PDZD2: variants seen among roughly 807,000 people sequenced by gnomAD.
The protein encoded by PDZD2 is PDZ domain-containing protein 2.
PDZD2 carries 90 observed loss-of-function variants against 220.7 expected under a neutral mutation model. That is an observed-to-expected ratio of 0.41 (90% CI 0.34 to 0.49). PDZD2 has a LOEUF of 0.49. Ranked by LOEUF, PDZD2 falls within the 20% of genes least tolerant of loss-of-function variation. The probability of loss-of-function intolerance (pLI) is 0.28; values close to 1 mark genes in which losing one functional copy is unlikely to be tolerated. For missense variants in PDZD2, 3,174 were observed against 3,608.5 expected (o/e 0.88, Z 3.08); for synonymous variants, 1,375 against 1,450.5 (o/e 0.95, Z 1.18).
chr5:31,878,291 G>C (rs1739501099), intron 2 of PDZD2, among the ~76,000 whole-genome samples: 1 of 152,026 alleles, frequency 6.6e-6, no homozygotes, highest in South Asian at 2.1e-4. Context: ...CCTTCCCCAG[G>C]GGCTTTTTTC....
chr5:31,845,968 C>T (rs988617506), intron 2 of PDZD2, among the ~76,000 whole-genome samples: 4 of 152,186 alleles, frequency 2.6e-5, no homozygotes, highest in African/African-American at 9.7e-5. Context: ...GTTCCAGAGG[C>T]ACCACAATCC....
chr5:31,725,947 G>A lies in PDZD2; in HGVS notation c.-360-72942G>A, dbSNP rs187731569. On this transcript the variant is annotated intron_variant, in intron 1 of 24. Coordinates refer to ENST00000438447, the MANE Select transcript of PDZD2 (RefSeq NM_178140.4). ...GCTGCCTGGGTCTCCACTCTCTGCC[G>A]CATGCGTAACAGATGATGAAATAGG... is the stretch of plus-strand genomic sequence containing the variant. The A allele has an allele frequency of 3.3e-3, 2,095 of 638,200 alleles. 83 individuals are homozygous for A. The Admixed American group carries it at 0.047, about 14-fold the overall frequency. 39.5% of individuals were successfully genotyped at this position (638,200 alleles called of 1,614,324 possible).
At chr5:31,831,594 A>G (rs1437006675) in intron 2 of PDZD2, among the ~76,000 whole-genome samples, 2 of 152,148 alleles carry the variant, frequency 1.3e-5, no homozygotes, top group Non-Finnish European at 2.9e-5. Flanking sequence ...TAAAAAATAC[A>G]AAAATTAGCT....
intron 1 of PDZD2, among the ~76,000 whole-genome samples, chr5:31,672,773 A>G (rs1746262572): frequency 6.6e-6 from 1 of 152,202 alleles, no homozygotes; most frequent in South Asian, 2.1e-4. Flanking sequence ...GTCTCTGTGC[A>G]GTAGGGTGAG....
At chr5:31,680,934 G>A (rs17413207) in intron 1 of PDZD2, among the ~76,000 whole-genome samples, 43,314 of 151,846 alleles carry the variant, frequency 0.29, 6,779 homozygotes, top group East Asian at 0.59. Flanking sequence ...CTTGCCCCTC[G>A]GACAATTGCT....
rs374382620 is a variant in PDZD2, at chr5:32,026,972, G to A, written c.1408-10259G>A. Among the ~76,000 whole-genome samples the A allele has an allele frequency of 1.0e-3, 153 of 152,190 alleles. 3 individuals are homozygous for A. In the South Asian group the frequency reaches 0.024, roughly 24 times the overall value. Reference sequence around the variant, plus strand: ...GGCTGGAGTGCAGTGGCACGATCTCGGCTCACTGCAGTCTCTGCCTCCCGG... The same window carrying A: ...GGCTGGAGTGCAGTGGCACGATCTCAGCTCACTGCAGTCTCTGCCTCCCGG... On this transcript the variant is annotated intron_variant, in intron 6 of 24. Transcript: ENST00000438447.
Position 32,088,522 on chromosome 5 carries a change from T to C in PDZD2, c.5074T>C (p.Cys1692Arg). ...ISTSQNHRPS[C>R]AEETTEVTSA... ...CACTTCACAGAACCACAGGCCCTCG[T>C]GTGCAGAAGAAACCACAGAAGTCAC... The change falls in exon 20 of 25, where the codon TGT becomes CGT. Residue 1692 changes from cysteine (C) to arginine (R), a missense_variant. This residue lies in a region of PDZD2 where 1,861 missense variants were observed against 2,001.0 expected (regional missense o/e 0.93). Transcript: ENST00000438447. This position sits in a 1 kb window ranked among gnomAD's most constrained non-coding sequence, Gnocchi z 4.6. 6.2e-7 allele frequency: 1 copy of C among 1,614,100 alleles called. No homozygotes were observed.
chr5:31,857,860 G>A (rs147859917), intron 2 of PDZD2, among the ~76,000 whole-genome samples: 17 of 151,992 alleles, frequency 1.1e-4, no homozygotes, highest in African/African-American at 3.6e-4. Flanking sequence ...ATGGAGTCTC[G>A]TTGTCACCCA....
intron 2 of PDZD2, chr5:31,855,142 C>A: frequency 1.0e-6 from 1 of 982,768 alleles, no homozygotes; most frequent in Non-Finnish European, 1.2e-6. Flanking sequence ...GGAGAGGAAC[C>A]CTCCGAAGGT....
intron 2 of PDZD2, among the ~76,000 whole-genome samples, chr5:31,870,833 G>A (rs1038842986): frequency 2.0e-5 from 3 of 150,114 alleles, no homozygotes; most frequent in Admixed American, 1.3e-4. Context: ...AGGTTGCAGT[G>A]AGTGGAAATC....
At chr5:31,806,343 G>A (rs1360159226) in intron 2 of PDZD2, among the ~76,000 whole-genome samples, 3 of 152,150 alleles carry the variant, frequency 2.0e-5, no homozygotes, top group Non-Finnish European at 4.4e-5. Context: ...CAAGGCCATG[G>A]GTTTGACAGA....
chr5:31,998,025 T>C (rs1230997738), intron 4 of PDZD2, among the ~76,000 whole-genome samples: 4 of 152,172 alleles, frequency 2.6e-5, no homozygotes, highest in African/African-American at 9.7e-5. Flanking sequence ...GTATTTTTAG[T>C]AGAGACGGGG....
At chr5:31,921,656 C>T (rs1281164319) in intron 2 of PDZD2, among the ~76,000 whole-genome samples, 2 of 152,128 alleles carry the variant, frequency 1.3e-5, no homozygotes, top group Admixed American at 6.5e-5. Context: ...TGCCACTGCA[C>T]TCCCACCTGG....
chr5:31,880,791 C>CTTTTTTTCTTTTT (rs1580978227), intron 2 of PDZD2, among the ~76,000 whole-genome samples: 4 of 76,482 alleles, frequency 5.2e-5, no homozygotes, highest in Non-Finnish European at 7.1e-5. Flanking sequence ...TTTTTTTTTT[C>CTTTTTTTCTTTTT]TTTTTTTTTT....
intron 1 of PDZD2, among the ~76,000 whole-genome samples, chr5:31,777,178 C>G (rs894939307): frequency 1.3e-5 from 2 of 152,132 alleles, no homozygotes; most frequent in African/African-American, 4.8e-5. Flanking sequence ...GGCACGGGCT[C>G]GGCAGGCCCG....
chr5:31,899,775 A>G (rs911272238), intron 2 of PDZD2, among the ~76,000 whole-genome samples: 3 of 152,134 alleles, frequency 2.0e-5, no homozygotes, highest in Admixed American at 2.0e-4. Flanking sequence ...CATGAATGGG[A>G]TTAGTGCCTT....
chr5:31,754,782 T>C (rs1407347337), intron 1 of PDZD2: 4 of 152,214 alleles, frequency 2.6e-5, no homozygotes, highest in Admixed American at 1.3e-4. Flanking sequence ...ATTTCCACAC[T>C]GGCTAGATAA....
chr5:31,996,483 G>C (rs1223597006), intron 4 of PDZD2, among the ~76,000 whole-genome samples: 1 of 152,086 alleles, frequency 6.6e-6, no homozygotes, highest in Non-Finnish European at 1.5e-5. Context: ...GGCTGAGGCG[G>C]ATCACCTGAG....
chr5:31,814,844 AGACCTG>A (rs1439493149), intron 2 of PDZD2, among the ~76,000 whole-genome samples: 1 of 151,894 alleles, frequency 6.6e-6, no homozygotes, highest in Non-Finnish European at 1.5e-5. Context: ...AAAGAAAAAA[AGACCTG>A]GAATCAATAG....
Sources: allele counts gnomAD v4.1 joint callset (sites outside exome capture counted in the v4.1 genomes callset), GRCh38; gene constraint gnomAD v4.1.1; regional missense constraint gnomAD v4.1.1; non-coding constraint Gnocchi (gnomAD v3.1); transcripts MANE v1.5; gene names NCBI Gene and HGNC (gene_info 2026-07-23, HGNC 2026-07-21).